NOP9: variants seen among roughly 807,000 people sequenced by gnomAD.
NOP9 encodes the protein NOP9 nucleolar protein, also known as nucleolar protein 9.
Under a neutral mutation model 63.0 loss-of-function variants are expected in NOP9, and 50 were observed. That is an observed-to-expected ratio of 0.79 (90% CI 0.63 to 1.00). The LOEUF is 1.00. Ranked by LOEUF, NOP9 falls within the 50% of genes least tolerant of loss-of-function variation. The pLI, the probability that NOP9 is intolerant of heterozygous loss-of-function variation, is 0.00. For missense variants in NOP9, 758 were observed against 803.0 expected (o/e 0.94, Z 0.68); for synonymous variants, 343 against 332.8 (o/e 1.03, Z -0.33).
At position 24,305,631 on chromosome 14, in the gene NOP9, C is replaced by G. The variant is rs2041474544; in HGVS notation, c.*536C>G. On this transcript the variant is annotated 3_prime_UTR_variant, in exon 10 of 10. Coordinates refer to ENST00000267425, the MANE Select transcript of NOP9 (RefSeq NM_174913.3). ...ATTCTGGGGGCAGAAGCTCAGAGCC[C>G]CTTAGTAGGAATGGAGGCGGCCCTT... The G allele has an allele frequency of 6.2e-7, 1 of 1,611,770 alleles. No homozygotes were observed. Among genetic ancestry groups the G allele is most frequent in the Non-Finnish European group, 8.5e-7 (1 of 1,178,974 alleles).
Position 24,306,064 on chromosome 14 carries a change from T to G in NOP9, c.*969T>G. 1 of 1,614,174 alleles carries G rather than the reference T, an allele frequency of 6.2e-7. No homozygotes were observed. The highest frequency in any genetic ancestry group is 8.5e-7 in the Non-Finnish European group (1 of 1,180,014). Reference sequence around the variant, plus strand: ...GTCTCGAGGGTTTTGCTTGTACACGTCAAAGGTGAATCGGGCGATGTCCTT... The same window carrying G: ...GTCTCGAGGGTTTTGCTTGTACACGGCAAAGGTGAATCGGGCGATGTCCTT... On this transcript the variant is annotated 3_prime_UTR_variant, in exon 10 of 10. Coordinates refer to ENST00000267425, the MANE Select transcript of NOP9 (RefSeq NM_174913.3).
chr14:24,281,659 G>A, the NOP9 span, among the ~76,000 whole-genome samples: 1 of 152,196 alleles, frequency 6.6e-6, no homozygotes, highest in South Asian at 2.1e-4. Context: ...CTTCTAGGAG[G>A]TTGAGATGGG....
In NOP9 at chr14:24,307,588, G is replaced by T. The variant is rs889386881; in HGVS notation, c.*2493G>T. 58 of 1,534,276 alleles carry T rather than the reference G, an allele frequency of 3.8e-5. No homozygotes were observed. The highest frequency in any genetic ancestry group is 5.1e-5 in the Non-Finnish European group (57 of 1,120,950). ...GAGTGTAAAGGGCATGATGAGGGTAGAGTGGCTAGAGGGCTAGGGAGGGAG... is the reference window on the plus strand; with the variant it reads ...GAGTGTAAAGGGCATGATGAGGGTATAGTGGCTAGAGGGCTAGGGAGGGAG... On this transcript the variant is annotated 3_prime_UTR_variant, in exon 10 of 10. Transcript: ENST00000267425.
the NOP9 span, among the ~76,000 whole-genome samples, chr14:24,273,620 T>C: frequency 2.0e-5 from 3 of 152,270 alleles, no homozygotes; most frequent in Admixed American, 6.5e-5. Flanking sequence ...TGTGTATTTG[T>C]AGTCCCAGTG....
chr14:24,305,323 G>A lies in NOP9; in HGVS notation c.*228G>A, dbSNP rs921020424. 3 of 561,538 alleles carry A rather than the reference G, an allele frequency of 5.3e-6. No homozygotes were observed. Among genetic ancestry groups the A allele is most frequent in the Non-Finnish European group, 8.9e-6 (3 of 337,208 alleles). The allele number at this position is 561,538 out of a possible 1,614,324, so 34.8% of individuals were successfully genotyped here. A position where few individuals can be genotyped will look rare whatever the true frequency, so the allele number is the denominator to read the frequency against. ...GGGAGTTTAGGGACAGGAGGCATTG[G>A]TAGGGGATTAGATGTAGCAGCAGTC... On this transcript the variant is annotated 3_prime_UTR_variant, in exon 10 of 10. Coordinates refer to ENST00000267425, the MANE Select transcript of NOP9 (RefSeq NM_174913.3).
At chr14:24,299,764 T>G, upstream of NOP9, 3 of 630,340 alleles carry the variant, frequency 4.8e-6, no homozygotes, top group Admixed American at 3.3e-5. Flanking sequence ...AACCTGCGGA[T>G]GGGGGCGGAG....
Position 24,306,091 on chromosome 14 carries a change from C to T in NOP9, c.*996C>T, listed in dbSNP as rs147564519. On this transcript the variant is annotated 3_prime_UTR_variant, in exon 10 of 10. Coordinates refer to ENST00000267425, the MANE Select transcript of NOP9 (RefSeq NM_174913.3). ...AAAGGTGAATCGGGCGATGTCCTTG[C>T]TGTGCTTGGGCCTCTCCCGTCCCAG... 1 of 1,614,124 alleles carries T rather than the reference C, an allele frequency of 6.2e-7. No individual in the cohort carries two copies. Among genetic ancestry groups the T allele is most frequent in the African/African-American group, 1.3e-5 (1 of 75,038 alleles).
At chr14:24,275,015 C>T in the NOP9 span, among the ~76,000 whole-genome samples, 8 of 148,894 alleles carry the variant, frequency 5.4e-5, no homozygotes, top group Middle Eastern at 3.5e-3. Flanking sequence ...CGGGTTCAAG[C>T]GATTCTCCTG....
In NOP9 at chr14:24,307,230, G is replaced by T; in HGVS notation, c.*2135G>T. ...TGAACAAATTGACCAGAGCTCATTA[G>T]GCCCACTCCGCTGCTTTTAGCCCTC... On this transcript the variant is annotated 3_prime_UTR_variant, in exon 10 of 10. Transcript: ENST00000267425. The T allele has an allele frequency of 1.1e-6, 1 of 878,378 alleles. No homozygotes were observed. Among genetic ancestry groups the T allele is most frequent in the Non-Finnish European group, 1.8e-6 (1 of 564,186 alleles). The allele number at this position is 878,378 out of a possible 1,614,324, so 54.4% of individuals were successfully genotyped here.
chr14:24,306,564 A>T lies in NOP9; in HGVS notation c.*1469A>T. The T allele has an allele frequency of 1.2e-6, 2 of 1,612,996 alleles. No individual in the cohort carries two copies. Among genetic ancestry groups the T allele is most frequent in the Non-Finnish European group, 8.5e-7 (1 of 1,179,032 alleles). On this transcript the variant is annotated 3_prime_UTR_variant, in exon 10 of 10. Coordinates refer to ENST00000267425, the MANE Select transcript of NOP9 (RefSeq NM_174913.3). ...AAGCAAGAAGGGCAGGTCTTATCCCATGCCCCTTCCCTCTTTAGCTGCCCA... is the reference window on the plus strand; with the variant it reads ...AAGCAAGAAGGGCAGGTCTTATCCCTTGCCCCTTCCCTCTTTAGCTGCCCA...
At position 24,302,272 on chromosome 14, in the gene NOP9, C is replaced by G. The variant is rs1467284878; in HGVS notation, c.991C>G (p.Leu331Val). The G allele has an allele frequency of 6.2e-7, 1 of 1,614,138 alleles. No homozygotes were observed. The highest frequency in any genetic ancestry group is 1.7e-5 in the Admixed American group (1 of 60,028). Residue 331 changes from leucine to valine, a missense_variant, in exon 5 of 10, where the codon CTC becomes GTC. Transcript: ENST00000267425. ...LFLRDQTSSR[L>V]LEQVLLVLEP... is the part of the protein sequence containing the mutation. ...TCTCCGAGATCAGACGAGTTCCAGA[C>G]TCCTGGAGCAGGTCCTGCTGGTGTT...
chr14:24,300,332 A>G (rs2041347410), intron 1 of NOP9, 76 bp from the exon 2 acceptor site: 4 of 1,559,812 alleles, frequency 2.6e-6, no homozygotes, highest in Non-Finnish European at 3.5e-6. Context: ...CCGACCCACG[A>G]CCCTTGGTTA....
chr14:24,301,536 T>C, intron 2 of NOP9, 76 bp from the exon 3 acceptor site: 2 of 1,589,140 alleles, frequency 1.3e-6, no homozygotes, highest in Non-Finnish European at 1.7e-6. Context: ...GGAATCCTTG[T>C]TCATCTGTGA....
At position 24,305,461 on chromosome 14, in the gene NOP9, TG is replaced by T; in HGVS notation, c.*369del. On this transcript the variant is annotated 3_prime_UTR_variant, in exon 10 of 10. Coordinates refer to ENST00000267425, the MANE Select transcript of NOP9 (RefSeq NM_174913.3). ...CATTCTTCAGGTAAGGGTATAGACT[TG>T]GGATGTGAGGCGTTATGCTGAAAGG... The T allele has an allele frequency of 2.6e-6, 2 of 759,578 alleles. No homozygotes were observed. Among genetic ancestry groups the T allele is most frequent in the East Asian group, 5.4e-5 (2 of 37,294 alleles). The allele number at this position is 759,578 out of a possible 1,614,324, so 47.1% of individuals were successfully genotyped here.
the NOP9 span, chr14:24,290,646 C>A: frequency 1.9e-6 from 1 of 539,942 alleles, no homozygotes; most frequent in Non-Finnish European, 3.3e-6. Context: ...TTTTTCAATA[C>A]TAAGGCAAAA....
At chr14:24,292,797 G>A in the NOP9 span, 1 of 1,607,914 alleles carries the variant, frequency 6.2e-7, no homozygotes, top group African/African-American at 1.3e-5. Context: ...AGAAGGTGGG[G>A]CAAGGGAAGA....
chr14:24,299,139 G>A (rs753198791), upstream of NOP9: 1 of 1,599,236 alleles, frequency 6.3e-7, no homozygotes, highest in South Asian at 1.1e-5. Flanking sequence ...GTCTGTGGAA[G>A]CAAAGACTTA....
rs2041504998 is a variant in NOP9 at position 24,306,311 on chromosome 14, G to A, written c.*1216G>A. The A allele has an allele frequency of 2.5e-6, 4 of 1,604,502 alleles. No homozygotes were observed. The highest frequency in any genetic ancestry group is 2.7e-5 in the African/African-American group (2 of 74,816). On this transcript the variant is annotated 3_prime_UTR_variant, in exon 10 of 10. Coordinates refer to ENST00000267425, the MANE Select transcript of NOP9 (RefSeq NM_174913.3). Reference sequence around the variant, plus strand: ...TCCCCAGGATCAGGGTTAAGCTAGAGAGGAAGCCCGGGAAAGCTCTAAAGG... The same window carrying A: ...TCCCCAGGATCAGGGTTAAGCTAGAAAGGAAGCCCGGGAAAGCTCTAAAGG...
the NOP9 span, among the ~76,000 whole-genome samples, chr14:24,273,176 ATTTTT>A: frequency 7.3e-6 from 1 of 137,848 alleles, no homozygotes; most frequent in Non-Finnish European, 1.6e-5. Flanking sequence ...AGTGCTTTAA[ATTTTT>A]TTTTTTTTTT....
Sources: allele counts gnomAD v4.1 joint callset (sites outside exome capture counted in the v4.1 genomes callset), GRCh38; gene constraint gnomAD v4.1.1; transcripts MANE v1.5; gene names NCBI Gene and HGNC (gene_info 2026-07-23, HGNC 2026-07-21).